The following JAKMIP3 variants were observed in gnomAD, a reference collection of about 807,000 sequenced individuals.
The protein encoded by JAKMIP3 is janus kinase and microtubule-interacting protein 3.
In JAKMIP3, 58 loss-of-function variants were observed where a neutral mutation model predicts 118.5. The ratio of observed to expected loss-of-function variants is 0.49; its 90% CI spans 0.40 to 0.61. The LOEUF (loss-of-function observed/expected upper bound fraction) is 0.61, where lower values mean the gene tolerates loss of function less well. Ranked by LOEUF, JAKMIP3 falls within the 20% of genes least tolerant of loss-of-function variation. JAKMIP3 has a pLI of 0.00. For missense variants in JAKMIP3, 950 were observed against 1,109.0 expected (o/e 0.86, Z 2.04); for synonymous variants, 486 against 451.2 (o/e 1.08, Z -0.98).
rs139790761 is a variant in JAKMIP3 at position 132,152,968 on chromosome 10, A to T, written c.2018A>T (p.Asn673Ile). 24 of 1,606,416 alleles carry T rather than the reference A, an allele frequency of 1.5e-5. No individual in the cohort carries two copies. Among genetic ancestry groups the T allele is most frequent in the Non-Finnish European group, 2.0e-5 (24 of 1,177,014 alleles). The change falls in exon 17 of 24, where the codon AAT becomes ATT. Residue 673 changes from asparagine (N) to isoleucine (I), a missense_variant. By Grantham distance (149) the Asn-to-Ile change is moderately radical. Coordinates refer to ENST00000684848, the MANE Select transcript of JAKMIP3 (RefSeq NM_001323087.2). ...TGCTTTTGGGTGCAGAACCTGACCA[A>T]TGAGGAGCAGGTGGTTGTCATACAA... is the stretch of plus-strand genomic sequence containing the variant. Reference protein sequence around the residue: ...LGDNAVSNLTNEEQVVVIQAR... With the variant: ...LGDNAVSNLTIEEQVVVIQAR...
intron 1 of JAKMIP3, among the ~76,000 whole-genome samples, chr10:132,100,150 T>C (rs774129215): frequency 1.0e-4 from 15 of 145,282 alleles, no homozygotes; most frequent in Non-Finnish European, 2.3e-4. Context: ...TCCCACAGTG[T>C]GCTGCCCTCA....
In JAKMIP3 at chr10:132,141,964, C is replaced by A; in HGVS notation, c.1518C>A (p.Thr506=). The A allele has an allele frequency of 6.3e-7, 1 of 1,599,122 alleles. No individual in the cohort carries two copies. Among genetic ancestry groups the A allele is most frequent in the Non-Finnish European group, 8.5e-7 (1 of 1,173,366 alleles). The change falls in exon 11 of 24, where the codon ACC becomes ACA. Residue 506 remains threonine (T), a synonymous_variant. Transcript: ENST00000684848. The part of the protein sequence containing the change: ...EETELRFRQL[T]MEYQALQRAY... ...CGGAGCTGAGGTTCCGGCAGCTGAC[C>A]ATGGAGTACCAGGCCCTGCAGCGTG...
upstream of JAKMIP3, among the ~76,000 whole-genome samples, chr10:132,065,570 T>C (rs934200761): frequency 6.6e-5 from 10 of 152,036 alleles, no homozygotes; most frequent in African/African-American, 1.9e-4. The surrounding 1 kb of genome is among the most constrained non-coding windows in gnomAD (Gnocchi z 5.6). Flanking sequence ...GGCCCAGCCG[T>C]GGCCTCTGCC....
At chr10:132,089,188 C>T (rs576892493) in intron 1 of JAKMIP3, among the ~76,000 whole-genome samples, 4 of 149,368 alleles carry the variant, frequency 2.7e-5, no homozygotes, top group Middle Eastern at 3.4e-3. Flanking sequence ...CTTGGCAATG[C>T]GGGCCCTTTT....
chr10:132,132,928 C>CT (rs2050917902), intron 3 of JAKMIP3, among the ~76,000 whole-genome samples: 2 of 152,212 alleles, frequency 1.3e-5, no homozygotes, highest in Non-Finnish European at 2.9e-5. Context: ...CTTGGGTGTC[C>CT]TCCTCTCTGT....
Position 132,164,352 on chromosome 10 carries a change from C to T in JAKMIP3, c.2425-318C>T, listed in dbSNP as rs547146087. Among the ~76,000 whole-genome samples the T allele has an allele frequency of 2.6e-5, 4 of 152,362 alleles. No homozygotes were observed. The South Asian group carries it at 8.3e-4, about 32-fold the overall frequency. On this transcript the variant is annotated intron_variant, in intron 20 of 23. Coordinates refer to ENST00000684848, the MANE Select transcript of JAKMIP3 (RefSeq NM_001323087.2). ...GCGACCCTCTGGCGGCCCCTTACTC[C>T]GCTGCGGTGGCATCTGGGGGACCGG...
At position 132,168,069 on chromosome 10, in the gene JAKMIP3, TG is replaced by T; in HGVS notation, c.*141del. 1 of 1,289,434 alleles carries T rather than the reference TG, an allele frequency of 7.8e-7. No individual in the cohort carries two copies. The highest frequency in any genetic ancestry group is 1.2e-5 in the South Asian group (1 of 81,024). 79.9% of individuals were successfully genotyped at this position (1,289,434 alleles called of 1,614,324 possible). On this transcript the variant is annotated 3_prime_UTR_variant, in exon 23 of 24. Coordinates refer to ENST00000684848, the MANE Select transcript of JAKMIP3 (RefSeq NM_001323087.2). ...ATTTGGTCTCTGCACGCCCGTCCCG[TG>T]GAGGAAGAGTGAGAAGGGGCAGTGT...
chr10:132,042,133 T>C lies in JAKMIP3; in HGVS notation c.-138+5395T>C, dbSNP rs150618179. ...TGCCAGCCTCAGCTTCCCAAAGTGCTGGGATTTTAGGTGTGAGCCACCGTG... is the reference window on the plus strand; with the variant it reads ...TGCCAGCCTCAGCTTCCCAAAGTGCCGGGATTTTAGGTGTGAGCCACCGTG... On this transcript the variant is annotated intron_variant, in intron 1 of 23. Coordinates refer to the JAKMIP3 transcript ENST00000657785. Among the ~76,000 whole-genome samples, 21 of 151,828 alleles carry C rather than the reference T, an allele frequency of 1.4e-4. No individual in the cohort carries two copies. In the East Asian group the frequency reaches 3.7e-3, roughly 27 times the overall value.
In JAKMIP3 at chr10:132,149,441, C is replaced by T. The variant is rs753574718; in HGVS notation, c.1878C>T (p.Ser626=). 3.1e-6 allele frequency: 5 copies of T among 1,606,288 alleles called. No homozygotes were observed. In the African/African-American group the frequency reaches 4.0e-5, roughly 13 times the overall value. The stretch of plus-strand genomic sequence containing the variant: ...GGGAGAGGAAGTCACCCGCCATCAG[C>T]TTCCACCACACGCCCTTCGTGGACG... ...EERERKSPAI[S]FHHTPFVDGK... Residue 626 remains serine (S), a synonymous_variant, in exon 15 of 24, where the codon AGC becomes AGT. Coordinates refer to ENST00000684848, the MANE Select transcript of JAKMIP3 (RefSeq NM_001323087.2).
intron 2 of JAKMIP3, among the ~76,000 whole-genome samples, chr10:132,105,925 G>A (rs1276923219): frequency 6.6e-6 from 1 of 152,150 alleles, no homozygotes; most frequent in Admixed American, 6.5e-5. Context: ...GGGTTATTTG[G>A]GGGTGGTTGC....
chr10:132,056,799 CCACCCA>C (rs1171814704), intron 1 of JAKMIP3, among the ~76,000 whole-genome samples: 1 of 152,184 alleles, frequency 6.6e-6, no homozygotes, highest in East Asian at 1.9e-4. Context: ...AGGGGCATCG[CCACCCA>C]CACCCACTGC....
At chr10:132,123,532 T>C (rs2048922371) in intron 3 of JAKMIP3, among the ~76,000 whole-genome samples, 1 of 152,146 alleles carries the variant, frequency 6.6e-6, no homozygotes, top group African/African-American at 2.4e-5. Context: ...ATGAGGTCAG[T>C]TTCTCCCCAA....
intron 1 of JAKMIP3, among the ~76,000 whole-genome samples, chr10:132,093,261 C>G (rs1340590253): frequency 1.3e-5 from 2 of 152,218 alleles, no homozygotes; most frequent in Non-Finnish European, 2.9e-5. Context: ...AGATTTCAAA[C>G]TCCATGCTGG....
At chr10:132,053,336 G>A (rs1027310413) in intron 1 of JAKMIP3, among the ~76,000 whole-genome samples, 9 of 152,218 alleles carry the variant, frequency 5.9e-5, no homozygotes, top group Admixed American at 5.9e-4. Context: ...AGTGTGGGTT[G>A]TATAGTTCTG....
rs537017297 is a variant in JAKMIP3, at chr10:132,122,213, C to T, written c.633+4639C>T. On this transcript the variant is annotated intron_variant, in intron 3 of 23. Transcript: ENST00000684848. The stretch of plus-strand genomic sequence containing the variant: ...GGCTCCCCGGCTGTCGGGGCCCTGA[C>T]TGCCCCCCGGTCGGCTCCCCGGCTG... 2.3e-3 allele frequency among the ~76,000 whole-genome samples: 342 copies of T among 150,326 alleles called. 1 individual carries two copies. Among genetic ancestry groups the T allele is most frequent in the South Asian group, 0.017 (80 of 4,680 alleles).
chr10:132,169,256 G>C (rs2059230586), intron 23 of JAKMIP3, among the ~76,000 whole-genome samples: 1 of 152,094 alleles, frequency 6.6e-6, no homozygotes, highest in South Asian at 2.1e-4. Context: ...CTGCAGACAT[G>C]GTGCTCCACG....
chr10:132,140,359 G>GC, intron 9 of JAKMIP3, 92 bp from the exon 10 acceptor site: 1 of 1,545,920 alleles, frequency 6.5e-7, no homozygotes, highest in Non-Finnish European at 8.9e-7. Context: ...TGGGGCTGCG[G>GC]CCCCCACCGT....
At chr10:132,151,541 G>C (rs1484132106) in intron 16 of JAKMIP3, among the ~76,000 whole-genome samples, 1 of 152,238 alleles carries the variant, frequency 6.6e-6, no homozygotes, top group African/African-American at 2.4e-5. Context: ...CCGTGGACCT[G>C]ACATCTCTGG....
chr10:132,062,791 A>G (rs111996471), upstream of JAKMIP3, among the ~76,000 whole-genome samples: 504 of 152,330 alleles, frequency 3.3e-3, 5 homozygotes, highest in African/African-American at 0.011. Flanking sequence ...GGATTCCAGG[A>G]GGAGGTGCCT....
Sources: allele counts gnomAD v4.1 joint callset (sites outside exome capture counted in the v4.1 genomes callset), GRCh38; gene constraint gnomAD v4.1.1; non-coding constraint Gnocchi (gnomAD v3.1); transcripts MANE v1.5; gene names NCBI Gene and HGNC (gene_info 2026-07-23, HGNC 2026-07-21).